Variants in DNAH11 observed in about 807,000 individuals in gnomAD.
DNAH11 encodes dynein axonemal heavy chain 11, also known as axonemal beta dynein heavy chain 11.
In DNAH11, 442 loss-of-function variants were observed where a neutral mutation model predicts 526.0. The observed-to-expected ratio is 0.84, with a 90% CI of 0.78 to 0.91. The LOEUF is 0.91. DNAH11 is among the 40% of genes least tolerant of loss of function. The probability of loss-of-function intolerance (pLI) is 0.00; values close to 1 mark genes in which losing one functional copy is unlikely to be tolerated. For missense variants in DNAH11, 6,989 were observed against 5,448.7 expected, an observed-to-expected ratio of 1.28 and a Z score of -8.90; for synonymous variants, 2,461 against 1,935.9, an observed-to-expected ratio of 1.27 and a Z score of -7.12.
intron 74 of DNAH11, among the ~76,000 whole-genome samples, chr7:21,874,038 G>A (rs1783605001): frequency 6.6e-6 from 1 of 151,552 alleles, no homozygotes; most frequent in Admixed American, 6.6e-5. Flanking sequence ...TGATCCACCT[G>A]CCTCGGCCTC....
intron 9 of DNAH11, among the ~76,000 whole-genome samples, chr7:21,584,328 A>G (rs1189804512): frequency 2.0e-5 from 3 of 152,210 alleles, no homozygotes; most frequent in African/African-American, 7.2e-5. Flanking sequence ...TAACACAGGA[A>G]CAGAAAACCA....
At chr7:21,601,721 A>G (rs550815397) in intron 18 of DNAH11, 103 bp downstream of exon 18, 6 of 819,646 alleles carry the variant, frequency 7.3e-6, no homozygotes, top group Admixed American at 6.8e-5. Flanking sequence ...AACAATCTAT[A>G]CTGTACACAT....
chr7:21,548,023 C>T (rs780678377), intron 2 of DNAH11, among the ~76,000 whole-genome samples: 23 of 152,172 alleles, frequency 1.5e-4, no homozygotes, highest in Non-Finnish European at 3.1e-4. Context: ...AAGACTCCTG[C>T]CACAATTATG....
At chr7:21,749,626 C>A in intron 52 of DNAH11, 52 bp from the exon 53 acceptor site, 2 of 1,605,004 alleles carry the variant, frequency 1.2e-6, no homozygotes, top group Non-Finnish European at 1.7e-6. Context: ...CACAACCTCT[C>A]AACGCCGCAT....
chr7:21,683,914 C>A lies in DNAH11; in HGVS notation c.5591C>A (p.Pro1864His). Residue 1864 changes from proline (P) to histidine (H), a missense_variant, in exon 32 of 82, where the codon CCT becomes CAT. Coordinates refer to ENST00000409508, the MANE Select transcript of DNAH11 (RefSeq NM_001277115.2). ...TTCTATGAATACTTAGGAAACAGCC[C>A]TCGACTAGTGATCACTCCTCTAACT... is the stretch of plus-strand genomic sequence containing the variant. ...QYFYEYLGNS[P>H]RLVITPLTDR... is the part of the protein sequence containing the mutation. The A allele has an allele frequency of 6.2e-7, 1 of 1,613,562 alleles. No homozygotes were observed. Among genetic ancestry groups the A allele is most frequent in the East Asian group, 2.2e-5 (1 of 44,870 alleles).
rs1489165107 is a variant in DNAH11 at position 21,739,583 on chromosome 7, GA to G, written c.7826del (p.Lys2609ArgfsTer2). On this transcript the variant is annotated frameshift_variant, in exon 48 of 82. Coordinates refer to ENST00000409508, the MANE Select transcript of DNAH11 (RefSeq NM_001277115.2). LOFTEE classifies it high-confidence loss of function. ...IDYGHWYDRQKVMLKEIHNCQ... is the reference protein window; with the variant it reads ...IDYGHWYDRQXVMLKEIHNCQ... ...TTCTGTCTTTCAGGTATGATAGACAGAAGGTGATGCTTAAAGAAATCCATAA... is the reference window on the plus strand; with the variant it reads ...TTCTGTCTTTCAGGTATGATAGACAGAGGTGATGCTTAAAGAAATCCATAA... The G allele has an allele frequency of 1.2e-6, 2 of 1,612,152 alleles. No homozygotes were observed. The highest frequency in any genetic ancestry group is 1.7e-6 in the Non-Finnish European group (2 of 1,179,230).
At position 21,899,988 on chromosome 7, in the gene DNAH11, C is replaced by T. The variant is rs761855200; in HGVS notation, c.13171C>T (p.Gln4391Ter). ...TTGTTATATTTCCAAAGCAATCATG[C>T]AGACGATGGCTCGAAAAAATGAGTG... ...NPQSFLTAIMQTMARKNEWPL... is the reference protein window; with the variant it reads ...NPQSFLTAIM Residue 4391 changes from glutamine to a stop codon, truncating the protein, a stop_gained, in exon 81 of 82, where the codon CAG becomes TAG. Transcript: ENST00000409508. LOFTEE classifies it high-confidence loss of function. 17 of 1,613,620 alleles carry T rather than the reference C, an allele frequency of 1.1e-5. No individual in the cohort carries two copies. The highest frequency in any genetic ancestry group is 3.3e-5 in the Admixed American group (2 of 59,956).
chr7:21,704,151 A>G (rs1280013041), intron 37 of DNAH11, among the ~76,000 whole-genome samples: 1 of 152,242 alleles, frequency 6.6e-6, no homozygotes, highest in Non-Finnish European at 1.5e-5. Flanking sequence ...GAAGGCCCTT[A>G]GATTGTTTCT....
intron 50 of DNAH11, 89 bp downstream of exon 50, chr7:21,744,688 A>C (rs768663630): frequency 6.5e-7 from 1 of 1,526,986 alleles, no homozygotes; most frequent in African/African-American, 1.4e-5. Context: ...AGAGAAGTGC[A>C]CAAGGGCTTA....
At chr7:21,803,419 T>C (rs1245144519) in intron 62 of DNAH11, among the ~76,000 whole-genome samples, 1 of 152,178 alleles carries the variant, frequency 6.6e-6, no homozygotes, top group Non-Finnish European at 1.5e-5. Flanking sequence ...GGTCTCAAGA[T>C]GTCTGCTACA....
chr7:21,866,320 CAA>C (rs35623271), intron 70 of DNAH11, 148 bp from the exon 71 acceptor site: 14,594 of 447,318 alleles, frequency 0.033, no homozygotes, highest in South Asian at 0.068. Flanking sequence ...CTCAGCAGAG[CAA>C]AAAAAAAAAA....
chr7:21,751,613 G>A (rs550334604), intron 54 of DNAH11, among the ~76,000 whole-genome samples: 3 of 152,218 alleles, frequency 2.0e-5, no homozygotes, highest in South Asian at 4.1e-4. Flanking sequence ...GGCAGGCTGC[G>A]GCGGCTATAG....
At chr7:21,836,888 A>G (rs752533254) in intron 65 of DNAH11, among the ~76,000 whole-genome samples, 9 of 152,172 alleles carry the variant, frequency 5.9e-5, no homozygotes, top group Non-Finnish European at 1.2e-4. Flanking sequence ...AAGGAACTCA[A>G]TTTAGTAGCA....
At position 21,748,585 on chromosome 7, in the gene DNAH11, G is replaced by C. The variant is rs1253630975; in HGVS notation, c.8516G>C (p.Arg2839Pro). 3 of 1,527,902 alleles carry C rather than the reference G, an allele frequency of 2.0e-6. No individual in the cohort carries two copies. The highest frequency in any genetic ancestry group is 2.6e-6 in the Non-Finnish European group (3 of 1,133,430). 94.6% of individuals were successfully genotyped at this position (1,527,902 alleles called of 1,614,324 possible). ...TGGGCGCTTCCTTTCCTCAGGTGTCGCATCAGCCGGATCTTACGAACCCCT... is the reference window on the plus strand; with the variant it reads ...TGGGCGCTTCCTTTCCTCAGGTGTCCCATCAGCCGGATCTTACGAACCCCT... ...LFEDAMQHVC[R>P]ISRILRTPQG... Residue 2839 changes from arginine (R) to proline (P), a missense_variant, in exon 52 of 82, where the codon CGC (arginine) becomes CCC (proline). Arg to Pro is a moderately radical substitution (Grantham distance 103). Coordinates refer to ENST00000409508, the MANE Select transcript of DNAH11 (RefSeq NM_001277115.2).
intron 41 of DNAH11, among the ~76,000 whole-genome samples, chr7:21,710,921 C>T (rs908705097): frequency 2.2e-4 from 34 of 152,200 alleles, no homozygotes; most frequent in African/African-American, 8.2e-4. Flanking sequence ...ATTCAGCCAC[C>T]TTTACTGAGA....
At chr7:21,649,954 C>T (rs1305194114) in intron 28 of DNAH11, among the ~76,000 whole-genome samples, 2 of 152,130 alleles carry the variant, frequency 1.3e-5, no homozygotes, top group African/African-American at 4.8e-5. Flanking sequence ...CGTGAGCCCC[C>T]ATGCCCAGCG....
chr7:21,803,689 G>C (rs1482824634), intron 62 of DNAH11, among the ~76,000 whole-genome samples: 1 of 151,400 alleles, frequency 6.6e-6, no homozygotes, highest in Non-Finnish European at 1.5e-5. Context: ...CATCATTGAA[G>C]TCTGGAAAAG....
At position 21,735,801 on chromosome 7, in the gene DNAH11, C is replaced by T. The variant is rs1346548658; in HGVS notation, c.7602C>T (p.Ser2534=). Residue 2534 remains serine (S), a synonymous_variant, in exon 46 of 82, where the codon TCC becomes TCT. Coordinates refer to ENST00000409508, the MANE Select transcript of DNAH11 (RefSeq NM_001277115.2). The part of the protein sequence containing the change: ...LASLSEDYIV[S]RVPFNYYTTS... The stretch of plus-strand genomic sequence containing the variant: ...GTCTCTCTGAGGATTACATAGTATC[C>T]CGTGTGCCTTTCAACTACTACACGA... 1.9e-6 allele frequency: 3 copies of T among 1,613,646 alleles called. No individual in the cohort carries two copies. The highest frequency in any genetic ancestry group is 2.5e-6 in the Non-Finnish European group (3 of 1,179,772).
intron 65 of DNAH11, among the ~76,000 whole-genome samples, chr7:21,820,264 T>C (rs967229887): frequency 1.3e-5 from 2 of 152,172 alleles, no homozygotes; most frequent in Non-Finnish European, 2.9e-5. Flanking sequence ...GACCCTGCAC[T>C]TGAGGAAGCT....
Sources: gnomAD v4.1 joint callset for allele counts (sites outside exome capture counted in the v4.1 genomes callset) on GRCh38, gnomAD v4.1.1 for gene constraint, MANE v1.5 for transcripts, NCBI Gene and HGNC (gene_info 2026-07-23, HGNC 2026-07-21) for gene names.